Variants in RC3H1 observed in about 807,000 individuals in gnomAD.
The protein encoded by RC3H1 is roquin-1.
Under a neutral mutation model 138.2 loss-of-function variants are expected in RC3H1, and 50 were observed. The ratio of observed to expected loss-of-function variants is 0.36; its 90% CI spans 0.29 to 0.46. RC3H1 has a LOEUF of 0.46. RC3H1 is among the 20% of genes least tolerant of loss of function. The pLI, the probability that RC3H1 is intolerant of heterozygous loss-of-function variation, is 1.00. For missense variants in RC3H1, 1,031 were observed against 1,388.1 expected (o/e 0.74, Z 4.09); for synonymous variants, 462 against 489.1 (o/e 0.94, Z 0.73).
At chr1:173,953,564 C>T (rs1294479903) in intron 13 of RC3H1, among the ~76,000 whole-genome samples, 1 of 152,020 alleles carries the variant, frequency 6.6e-6, no homozygotes, top group Non-Finnish European at 1.5e-5. Context: ...AGCTACCATG[C>T]CTGGCCAAGA....
intron 1 of RC3H1, chr1:174,015,978 A>G (rs1661855276): frequency 6.6e-6 from 1 of 152,112 alleles, no homozygotes; most frequent in South Asian, 2.1e-4. Flanking sequence ...TGGCAGGTAG[A>G]TCACCTGAGA....
At chr1:173,980,024 C>T (rs1660742932) in intron 6 of RC3H1, among the ~76,000 whole-genome samples, 2 of 151,748 alleles carry the variant, frequency 1.3e-5, no homozygotes, top group Non-Finnish European at 2.9e-5. Flanking sequence ...ACTATAGGCG[C>T]CTACCACCAC....
chr1:173,991,381 C>T (rs1318191576), intron 2 of RC3H1, among the ~76,000 whole-genome samples: 1 of 152,198 alleles, frequency 6.6e-6, no homozygotes, highest in Non-Finnish European at 1.5e-5. Flanking sequence ...GATTCCTTAA[C>T]ATTTTCTATA....
chr1:174,007,917 C>A (rs1272194767), intron 1 of RC3H1, among the ~76,000 whole-genome samples: 2 of 152,104 alleles, frequency 1.3e-5, no homozygotes. Flanking sequence ...CAGCAGATTT[C>A]TCATGTTGAA....
chr1:174,003,274 C>T (rs1661592533), intron 1 of RC3H1, among the ~76,000 whole-genome samples: 1 of 151,902 alleles, frequency 6.6e-6, no homozygotes, highest in Non-Finnish European at 1.5e-5. Flanking sequence ...GTAATCCCAG[C>T]TACTCAGGAA....
chr1:173,952,166 A>AG, intron 13 of RC3H1, 28 bp from the exon 14 acceptor site: 1 of 1,459,010 alleles, frequency 6.9e-7, no homozygotes, highest in Non-Finnish European at 9.1e-7. Context: ...AAAAAAACAA[A>AG]AAAAAAAAAA....
chr1:173,990,489 T>C (rs945550746), intron 2 of RC3H1, among the ~76,000 whole-genome samples: 5 of 148,876 alleles, frequency 3.4e-5, no homozygotes, highest in African/African-American at 1.3e-4. Context: ...ATACAACATA[T>C]ATATTACTTA....
At chr1:174,000,706 T>C (rs1289617459) in intron 1 of RC3H1, among the ~76,000 whole-genome samples, 2 of 152,196 alleles carry the variant, frequency 1.3e-5, no homozygotes, top group South Asian at 2.1e-4. Context: ...GCAACCAGCA[T>C]GTAGGGCCAC....
chr1:173,998,190 C>T (rs911748886), intron 1 of RC3H1, among the ~76,000 whole-genome samples: 2 of 152,140 alleles, frequency 1.3e-5, no homozygotes, highest in African/African-American at 4.8e-5. Flanking sequence ...CTAATCAAAG[C>T]ACATGCATTC....
At chr1:173,965,341 T>C (rs1660065801) in intron 9 of RC3H1, among the ~76,000 whole-genome samples, 1 of 152,148 alleles carries the variant, frequency 6.6e-6, no homozygotes, top group Non-Finnish European at 1.5e-5. Flanking sequence ...ATGCCTGTAA[T>C]CCCAGCACTT....
intron 14 of RC3H1, among the ~76,000 whole-genome samples, chr1:173,950,364 A>G (rs890134110): frequency 6.7e-6 from 1 of 148,738 alleles, no homozygotes; most frequent in Non-Finnish European, 1.5e-5. Context: ...GCTTGAGCCC[A>G]GGAGTTCAGG....
intron 1 of RC3H1, among the ~76,000 whole-genome samples, chr1:174,016,642 AT>A (rs975101399): frequency 1.7e-4 from 26 of 151,286 alleles, no homozygotes; most frequent in Admixed American, 5.9e-4. Context: ...AAAATTTTAA[AT>A]TTTTTTTGTA....
At chr1:173,939,136 T>A (rs982513694) in intron 19 of RC3H1, among the ~76,000 whole-genome samples, 1 of 152,096 alleles carries the variant, frequency 6.6e-6, no homozygotes, top group African/African-American at 2.4e-5. Context: ...TCCACTGCTT[T>A]CAAACCACAG....
At chr1:173,940,549 A>G (rs1253192841) in intron 19 of RC3H1, among the ~76,000 whole-genome samples, 1 of 148,052 alleles carries the variant, frequency 6.8e-6, no homozygotes, top group East Asian at 2.0e-4. Context: ...ATTACAGGCA[A>G]TTTTAAAATT....
At position 173,943,483 on chromosome 1, in the gene RC3H1, C is replaced by G. The variant is rs551003117; in HGVS notation, c.3094G>C (p.Val1032Leu). The change falls in exon 18 of 20, where the codon GTG (valine) becomes CTG (leucine). Residue 1032 changes from valine to leucine, a missense_variant. Physicochemically the swap from Val to Leu is conservative, Grantham distance 32. Around this residue, in one of 7 missense-constraint regions of RC3H1, gnomAD observed 716 missense variants for 837.9 expected, o/e 0.85. Coordinates refer to ENST00000367696, the MANE Select transcript of RC3H1 (RefSeq NM_172071.4). ...SEQLSLELHQ[V>L]EREIGKRTRE... ...GTTCTCTTCCCGATTTCCCTTTCCA[C>G]CTGGTGCAGTTCCAAGCTCAACTGC... 1.9e-6 allele frequency: 3 copies of G among 1,614,064 alleles called. No homozygotes were observed. Among genetic ancestry groups the G allele is most frequent in the South Asian group, 1.1e-5 (1 of 91,058 alleles).
chr1:174,004,970 T>A (rs1661629700), intron 1 of RC3H1, among the ~76,000 whole-genome samples: 1 of 152,118 alleles, frequency 6.6e-6, no homozygotes, highest in African/African-American at 2.4e-5. Context: ...AATACGTGAA[T>A]ACTCCAGCTT....
At chr1:173,958,804 T>G (rs1255602177) in intron 13 of RC3H1, among the ~76,000 whole-genome samples, 1 of 151,618 alleles carries the variant, frequency 6.6e-6, no homozygotes, top group Non-Finnish European at 1.5e-5. Context: ...TTGAGCAATC[T>G]TATTTGACTG....
In RC3H1 at chr1:173,947,373, A is replaced by T. The variant is rs1278775562; in HGVS notation, c.2733T>A (p.Ile911=). 1 of 1,610,304 alleles carries T rather than the reference A, an allele frequency of 6.2e-7. No individual in the cohort carries two copies. The highest frequency in any genetic ancestry group is 1.7e-5 in the Admixed American group (1 of 60,000). The change falls in exon 15 of 20, where the codon ATT becomes ATA. Residue 911 remains isoleucine (I), a synonymous_variant. Coordinates refer to ENST00000367696, the MANE Select transcript of RC3H1 (RefSeq NM_172071.4). ...GCTTACCTCTGAGATTCTTACCTGA[A>T]ATGTTAATAGATTTTGTAGGAGCTC... ...PQGAPTKSIN[I]SDYSPYGTHG...
chr1:173,948,431 G>A (rs1424419808), intron 14 of RC3H1, among the ~76,000 whole-genome samples: 1 of 151,530 alleles, frequency 6.6e-6, no homozygotes, highest in Middle Eastern at 3.5e-3. Context: ...TATATATAAT[G>A]ACCTAGTATA....
Sources: gnomAD v4.1 joint callset for allele counts (sites outside exome capture counted in the v4.1 genomes callset) on GRCh38, gnomAD v4.1.1 for gene constraint, gnomAD v4.1.1 regional missense constraint, MANE v1.5 for transcripts, NCBI Gene and HGNC (gene_info 2026-07-23, HGNC 2026-07-21) for gene names.